Variants in PRKCH observed in about 807,000 individuals in gnomAD.
The protein encoded by PRKCH is protein kinase C eta.
In PRKCH, 28 loss-of-function variants were observed where a neutral mutation model predicts 82.5. The observed-to-expected ratio is 0.34, with a 90% CI of 0.25 to 0.47. The LOEUF (loss-of-function observed/expected upper bound fraction) is 0.47, where lower values mean the gene tolerates loss of function less well. Among genes scored for constraint, PRKCH ranks in the 20% least tolerant of loss-of-function variants. The probability of loss-of-function intolerance (pLI) is 1.00; values close to 1 mark genes in which losing one functional copy is unlikely to be tolerated. For synonymous variants in PRKCH, 322 were observed against 327.4 expected (o/e 0.98, Z 0.18); for missense variants, 705 against 881.8 (o/e 0.80, Z 2.54).
At chr14:61,470,956 C>T (rs1281374161) in intron 9 of PRKCH, among the ~76,000 whole-genome samples, 3 of 152,004 alleles carry the variant, frequency 2.0e-5, no homozygotes, top group African/African-American at 7.3e-5. Flanking sequence ...GACCACCGAG[C>T]CACAGACTCC....
At chr14:61,261,414 A>G (rs1413944085) in intron 1 of PRKCH, among the ~76,000 whole-genome samples, 6 of 152,194 alleles carry the variant, frequency 3.9e-5, no homozygotes, top group Non-Finnish European at 8.8e-5. Context: ...GAAGGCAATT[A>G]ATGTCCCTAC....
At chr14:61,403,050 A>C (rs1881734149) in intron 2 of PRKCH, among the ~76,000 whole-genome samples, 1 of 151,986 alleles carries the variant, frequency 6.6e-6, no homozygotes, top group Admixed American at 6.6e-5. Flanking sequence ...GTCTTCTTTT[A>C]AGTCAGACAT....
intron 6 of PRKCH, among the ~76,000 whole-genome samples, chr14:61,451,647 T>G (rs1477775525): frequency 6.6e-6 from 1 of 152,212 alleles, no homozygotes; most frequent in Non-Finnish European, 1.5e-5. Context: ...ATCCCTGTCC[T>G]GTTAGGAGTT....
At chr14:61,227,364 G>T (rs1452094763) in intron 1 of PRKCH, among the ~76,000 whole-genome samples, 1 of 152,188 alleles carries the variant, frequency 6.6e-6, no homozygotes, top group East Asian at 1.9e-4. Flanking sequence ...GGAGGCCAAG[G>T]CAGGGGATCA....
At chr14:61,505,286 G>A (rs1304156989) in intron 10 of PRKCH, among the ~76,000 whole-genome samples, 3 of 152,052 alleles carry the variant, frequency 2.0e-5, no homozygotes, top group Admixed American at 6.5e-5. Flanking sequence ...TTGGTGTCGG[G>A]TGAGGGCCTG....
At chr14:61,371,738 C>T (rs1051954178) in intron 1 of PRKCH, among the ~76,000 whole-genome samples, 1 of 152,050 alleles carries the variant, frequency 6.6e-6, no homozygotes, top group African/African-American at 2.4e-5. Context: ...CATAAAGTTC[C>T]TCTTCCCCTT....
chr14:61,306,335 T>G (rs2045485490), intron 1 of PRKCH: 1 of 152,266 alleles, frequency 6.6e-6, no homozygotes, highest in Admixed American at 6.5e-5. Flanking sequence ...TGAAATCTTC[T>G]TTGTCCTCTT....
chr14:61,457,820 G>A, intron 9 of PRKCH, 141 bp downstream of exon 9: 1 of 1,177,412 alleles, frequency 8.5e-7, no homozygotes, highest in Non-Finnish European at 1.2e-6. Context: ...GGAGGTATTG[G>A]TGACTTCTGC....
At chr14:61,257,688 G>A (rs2045011068) in intron 1 of PRKCH, among the ~76,000 whole-genome samples, 1 of 151,124 alleles carries the variant, frequency 6.6e-6, no homozygotes, top group South Asian at 2.1e-4. Context: ...TTCCCAACCT[G>A]GGGAGCTTAT....
intron 1 of PRKCH, among the ~76,000 whole-genome samples, chr14:61,292,080 A>AT (rs2045367516): frequency 6.6e-6 from 1 of 152,152 alleles, no homozygotes; most frequent in Non-Finnish European, 1.5e-5. Flanking sequence ...AGTGGCATGT[A>AT]TTTTAGATGC....
chr14:61,336,260 C>G (rs1594924129), intron 1 of PRKCH, among the ~76,000 whole-genome samples: 1 of 152,162 alleles, frequency 6.6e-6, no homozygotes, highest in South Asian at 2.1e-4. Context: ...AACTTCCTCA[C>G]TGGTTTTGCT....
chr14:61,262,172 G>T (rs1310616010), intron 1 of PRKCH, among the ~76,000 whole-genome samples: 1 of 141,118 alleles, frequency 7.1e-6, no homozygotes, highest in African/African-American at 2.7e-5. Flanking sequence ...AGTGAGCCAA[G>T]ATCGGCACCA....
intron 6 of PRKCH, among the ~76,000 whole-genome samples, chr14:61,451,712 G>A (rs565267220): frequency 2.6e-5 from 4 of 152,130 alleles, no homozygotes; most frequent in Non-Finnish European, 4.4e-5. Flanking sequence ...TCTGACTGCC[G>A]TGGGGTGCAC....
At chr14:61,305,121 T>A (rs1174603899) in intron 1 of PRKCH, 2 of 152,096 alleles carry the variant, frequency 1.3e-5, no homozygotes, top group East Asian at 3.8e-4. Context: ...ATTAGAGAAT[T>A]TTTTTAAAAA....
intron 10 of PRKCH, among the ~76,000 whole-genome samples, chr14:61,490,126 C>T (rs4902066): frequency 0.81 from 122,685 of 151,748 alleles, 52,858 homozygotes; most frequent in Non-Finnish European, 0.95. Flanking sequence ...GCTGGGTGCA[C>T]GGTAATTAGT....
chr14:61,461,941 GGCAGTCATTACCGCAAA>G (rs1885046754), intron 9 of PRKCH, among the ~76,000 whole-genome samples: 1 of 152,210 alleles, frequency 6.6e-6, no homozygotes, highest in African/African-American at 2.4e-5. Context: ...ACCACAAGGT[GGCAGTCATTACCGCAAA>G]GTTACTTTTA....
intron 4 of PRKCH, among the ~76,000 whole-genome samples, chr14:61,447,456 A>G (rs967080111): frequency 1.3e-5 from 2 of 152,234 alleles, no homozygotes; most frequent in Non-Finnish European, 2.9e-5. Context: ...ATTGACGTTT[A>G]TAGAATACTT....
chr14:61,416,053 CTTTTTTTT>C (rs71117815), intron 2 of PRKCH, among the ~76,000 whole-genome samples: 5 of 94,184 alleles, frequency 5.3e-5, no homozygotes, highest in Admixed American at 1.4e-4. Context: ...CTTTTCTTTT[CTTTTTTTT>C]TTTTTTTTTT....
chr14:61,526,513 C>T (rs919064386), intron 10 of PRKCH, among the ~76,000 whole-genome samples: 1 of 152,222 alleles, frequency 6.6e-6, no homozygotes, highest in African/African-American at 2.4e-5. Flanking sequence ...TGGCCATTTT[C>T]TGTAAGACCT....
Sources: gnomAD v4.1 joint callset for allele counts (sites outside exome capture counted in the v4.1 genomes callset) on GRCh38, gnomAD v4.1.1 for gene constraint, MANE v1.5 for transcripts, NCBI Gene and HGNC (gene_info 2026-07-23, HGNC 2026-07-21) for gene names.